Variants in OSTF1 observed in about 807,000 individuals in gnomAD.
The protein encoded by OSTF1 is osteoclast stimulating factor 1.
In OSTF1, 27 loss-of-function variants were observed where a neutral mutation model predicts 37.2. The ratio of observed to expected loss-of-function variants is 0.73; its 90% confidence interval spans 0.54 to 1.00. OSTF1 has a LOEUF of 1.00. Among genes scored for constraint, OSTF1 ranks in the 50% least tolerant of loss-of-function variants. The pLI is 0.00. For synonymous variants in OSTF1, 82 were observed against 89.2 expected (o/e 0.92, Z 0.46); for missense variants, 232 against 253.8 (o/e 0.91, Z 0.58).
Position 75,119,920 on chromosome 9 carries a change from C to T in OSTF1, c.81+2370C>T, listed in dbSNP as rs141549786. ...CAGAGATTGCAGTGAGCTGAGATTG[C>T]GCCACTGCACTCCAGCCTGGCGACA... On this transcript the variant is annotated intron_variant, in intron 2 of 9. Coordinates refer to ENST00000346234, the MANE Select transcript of OSTF1 (RefSeq NM_012383.5). Among the ~76,000 whole-genome samples the T allele has an allele frequency of 1.1e-3, 173 of 151,738 alleles. 1 individual carries two copies. Among genetic ancestry groups the T allele is most frequent in the African/African-American group, 3.3e-3 (137 of 41,348 alleles).
rs566351565 is a variant in OSTF1 at position 75,122,827 on chromosome 9, G to A, written c.82-4742G>A. On this transcript the variant is annotated intron_variant, in intron 2 of 9. Coordinates refer to ENST00000346234, the MANE Select transcript of OSTF1 (RefSeq NM_012383.5). ...CGTGGCACATAATATATACTATAAA[G>A]TGTTGAATAAAAACATCTGTGGAGA... 2.0e-5 allele frequency among the ~76,000 whole-genome samples: 3 copies of A among 152,270 alleles called. No homozygotes were observed. The South Asian group carries it at 6.2e-4, about 32-fold the overall frequency.
chr9:75,090,294 GGTGTGTGT>G (rs3837221), intron 1 of OSTF1, among the ~76,000 whole-genome samples: 24,035 of 149,350 alleles, frequency 0.16, 2,336 homozygotes, highest in Non-Finnish European at 0.21. Context: ...GACATTGACA[GGTGTGTGT>G]GTGTGTGTGT....
chr9:75,117,847 T>A (rs1217241881), intron 2 of OSTF1, among the ~76,000 whole-genome samples: 1 of 152,234 alleles, frequency 6.6e-6, no homozygotes, highest in African/African-American at 2.4e-5. Context: ...TCATCTTTCT[T>A]CTGAATTTCA....
intron 1 of OSTF1, among the ~76,000 whole-genome samples, chr9:75,097,643 G>A (rs575558436): frequency 6.6e-6 from 1 of 152,120 alleles, no homozygotes; most frequent in African/African-American, 2.4e-5. Context: ...GGTCTCCAGA[G>A]TTGGTATTAC....
intron 1 of OSTF1, among the ~76,000 whole-genome samples, chr9:75,108,605 G>C (rs1825331856): frequency 6.6e-6 from 1 of 152,160 alleles, no homozygotes; most frequent in South Asian, 2.1e-4. Flanking sequence ...AATGTTGAGA[G>C]AGTGTGATTG....
At chr9:75,096,915 C>G (rs1343920547) in intron 1 of OSTF1, among the ~76,000 whole-genome samples, 1 of 152,146 alleles carries the variant, frequency 6.6e-6, no homozygotes, top group Non-Finnish European at 1.5e-5. Flanking sequence ...ATGCTTATGT[C>G]TGAAATGTTG....
intron 1 of OSTF1, among the ~76,000 whole-genome samples, chr9:75,110,867 G>A (rs916123291): frequency 7.2e-5 from 11 of 151,856 alleles, no homozygotes; most frequent in Non-Finnish European, 1.5e-4. Context: ...TGTACCAACC[G>A]CAACCACACC....
At position 75,134,337 on chromosome 9, in the gene OSTF1, G is replaced by GAA; in HGVS notation, c.359-8_359-7dup. On this transcript the variant is annotated splice_polypyrimidine_tract_variant and intron_variant, in intron 6 of 9. Coordinates refer to ENST00000346234, the MANE Select transcript of OSTF1 (RefSeq NM_012383.5). ...TTCTTAAAAGGTATCTTTTCTCTTT[G>GAA]AATTTCAGATATAGTGGAAATGCTA... The GAA allele has an allele frequency of 6.7e-7, 1 of 1,492,254 alleles. No individual in the cohort carries two copies. The highest frequency in any genetic ancestry group is 9.3e-7 in the Non-Finnish European group (1 of 1,078,472). 92.4% of individuals were successfully genotyped at this position (1,492,254 alleles called of 1,614,324 possible).
rs188878449 is a variant in OSTF1, at chr9:75,115,236, A to G, written c.35-2268A>G. 2.6e-5 allele frequency among the ~76,000 whole-genome samples: 4 copies of G among 152,330 alleles called. No homozygotes were observed. The East Asian group carries it at 5.8e-4, about 22-fold the overall frequency. On this transcript the variant is annotated intron_variant, in intron 1 of 9. Transcript: ENST00000346234. ...CATTATTTTCTTGTCCTAGATAACC[A>G]TCTTCTAGAACTAGAAGATAACATT...
Position 75,088,736 on chromosome 9 carries a change from G to T in OSTF1, c.34+10G>T. On this transcript the variant is annotated intron_variant, in intron 1 of 9. Transcript: ENST00000346234. ...AAACCAGTCAAACCAGGTGAGGGAG[G>T]TAAGGTAGGCGCTTGCCAGGTCCTG... 6.2e-7 allele frequency: 1 copy of T among 1,605,626 alleles called. No individual in the cohort carries two copies. Among genetic ancestry groups the T allele is most frequent in the Non-Finnish European group, 8.5e-7 (1 of 1,175,782 alleles).
chr9:75,146,133 G>A (rs1176056909), intron 9 of OSTF1, among the ~76,000 whole-genome samples: 1 of 152,178 alleles, frequency 6.6e-6, no homozygotes, highest in Non-Finnish European at 1.5e-5. Context: ...TTCCTTTTGA[G>A]TCCTGTTCAA....
At chr9:75,141,970 A>G (rs1229805084) in intron 9 of OSTF1, among the ~76,000 whole-genome samples, 1 of 152,050 alleles carries the variant, frequency 6.6e-6, no homozygotes, top group African/African-American at 2.4e-5. Context: ...TTGGTCTCGA[A>G]CTCATGGACT....
chr9:75,124,930 A>G (rs1825637932), intron 2 of OSTF1, among the ~76,000 whole-genome samples: 1 of 152,180 alleles, frequency 6.6e-6, no homozygotes, highest in Non-Finnish European at 1.5e-5. Flanking sequence ...AGGAGGATTT[A>G]TTGTGAGACA....
intron 9 of OSTF1, among the ~76,000 whole-genome samples, chr9:75,144,787 C>G: frequency 6.6e-6 from 1 of 152,086 alleles, no homozygotes; most frequent in Non-Finnish European, 1.5e-5. Context: ...CTTCCATTTT[C>G]TCATACATCT....
At chr9:75,140,960 T>G in intron 9 of OSTF1, 28 bp downstream of exon 9, 3 of 1,450,548 alleles carry the variant, frequency 2.1e-6, no homozygotes, top group Non-Finnish European at 2.9e-6. Context: ...TTCTTTCTCC[T>G]CTGGTGCCCC....
chr9:75,098,420 A>G (rs1825127113), intron 1 of OSTF1, among the ~76,000 whole-genome samples: 1 of 152,224 alleles, frequency 6.6e-6, no homozygotes, highest in African/African-American at 2.4e-5. Flanking sequence ...TACATAGGGC[A>G]GAATTTTTTT....
intron 1 of OSTF1, among the ~76,000 whole-genome samples, chr9:75,099,124 A>C (rs1253286433): frequency 6.6e-6 from 1 of 151,890 alleles, no homozygotes. Context: ...TTATAGTAGA[A>C]ATGGGGTTTC....
At chr9:75,092,075 A>C (rs80083971) in intron 1 of OSTF1, among the ~76,000 whole-genome samples, 1 of 152,228 alleles carries the variant, frequency 6.6e-6, no homozygotes, top group African/African-American at 2.4e-5. Context: ...GGCTCAATTC[A>C]GTAGACAATA....
chr9:75,119,417 C>G (rs1213016128), intron 2 of OSTF1, among the ~76,000 whole-genome samples: 2 of 152,190 alleles, frequency 1.3e-5, no homozygotes, highest in Non-Finnish European at 2.9e-5. Flanking sequence ...TGACAACTCT[C>G]CTGTGTTGGT....
Sources: gnomAD v4.1 joint callset for allele counts (sites outside exome capture counted in the v4.1 genomes callset) on GRCh38, gnomAD v4.1.1 for gene constraint, MANE v1.5 for transcripts, NCBI Gene and HGNC (gene_info 2026-07-23, HGNC 2026-07-21) for gene names.